Variants in ASTN2 observed in about 807,000 individuals in gnomAD.
ASTN2 encodes the protein astrotactin-2.
A neutral mutation model predicts 139.8 loss-of-function variants in ASTN2; 54 were observed. The ratio of observed to expected loss-of-function variants is 0.39; its 90% CI spans 0.31 to 0.48. The LOEUF (loss-of-function observed/expected upper bound fraction) is 0.48. ASTN2 is among the 20% of genes least tolerant of loss of function. The pLI is 0.95. For synonymous variants in ASTN2, 756 were observed against 719.5 expected, an observed-to-expected ratio of 1.05 and a Z score of -0.81; for missense variants, 1,565 against 1,725.1, an observed-to-expected ratio of 0.91 and a Z score of 1.64.
At chr9:117,312,828 G>C (rs1828019135) in intron 1 of ASTN2, among the ~76,000 whole-genome samples, 1 of 151,966 alleles carries the variant, frequency 6.6e-6, no homozygotes, top group South Asian at 2.1e-4. Context: ...GCTCCATAAG[G>C]CCTTTCCATT....
intron 3 of ASTN2, among the ~76,000 whole-genome samples, chr9:117,178,934 C>T (rs1280937512): frequency 6.6e-6 from 1 of 152,236 alleles, no homozygotes; most frequent in East Asian, 1.9e-4. Flanking sequence ...ACTGAGCTCC[C>T]TCCAGCCCTC....
At chr9:117,407,668 G>A (rs1411928041) in intron 1 of ASTN2, among the ~76,000 whole-genome samples, 1 of 152,130 alleles carries the variant, frequency 6.6e-6, no homozygotes, top group African/African-American at 2.4e-5. Flanking sequence ...TTCTTTTGGG[G>A]GGCTATTGTC....
At chr9:116,526,006 C>T (rs2119260509) in intron 19 of ASTN2, among the ~76,000 whole-genome samples, 1 of 152,254 alleles carries the variant, frequency 6.6e-6, no homozygotes, top group East Asian at 1.9e-4. Context: ...GTCCCCATTA[C>T]AGTCCTTCTT....
At chr9:116,495,276 C>T (rs1314307002) in intron 19 of ASTN2, among the ~76,000 whole-genome samples, 1 of 152,150 alleles carries the variant, frequency 6.6e-6, no homozygotes, top group African/African-American at 2.4e-5. Context: ...CTCTTTCTAC[C>T]AACAGCACCT....
chr9:116,472,515 C>A (rs886772651), intron 20 of ASTN2, among the ~76,000 whole-genome samples: 5 of 152,126 alleles, frequency 3.3e-5, no homozygotes, highest in African/African-American at 1.2e-4. Flanking sequence ...TCAGTCTCAG[C>A]CATAAGACTT....
intron 10 of ASTN2, among the ~76,000 whole-genome samples, chr9:116,955,810 T>C (rs943977763): frequency 1.3e-5 from 2 of 152,124 alleles, no homozygotes; most frequent in African/African-American, 2.4e-5. Context: ...TTGTCATTTA[T>C]TTTTTTTCAG....
intron 1 of ASTN2, among the ~76,000 whole-genome samples, chr9:117,374,567 CA>C (rs2130918191): frequency 6.6e-6 from 1 of 152,054 alleles, no homozygotes; most frequent in Non-Finnish European, 1.5e-5. Context: ...AAAATTAACT[CA>C]AAGGCAGTAA....
intron 19 of ASTN2, among the ~76,000 whole-genome samples, chr9:116,600,271 G>A (rs2131754537): frequency 6.8e-6 from 1 of 147,672 alleles, no homozygotes; most frequent in South Asian, 2.1e-4. Context: ...CTACAGCGAG[G>A]TGTGATTGGG....
At chr9:116,444,972 G>A (rs1386686976) in intron 20 of ASTN2, among the ~76,000 whole-genome samples, 2 of 152,182 alleles carry the variant, frequency 1.3e-5, no homozygotes, top group Non-Finnish European at 2.9e-5. Context: ...TGGGAAGTGA[G>A]AACAGCATCA....
intron 2 of ASTN2, among the ~76,000 whole-genome samples, chr9:117,247,698 A>G (rs1307782455): frequency 6.6e-6 from 1 of 152,234 alleles, no homozygotes; most frequent in Non-Finnish European, 1.5e-5. Context: ...CCACACCTCT[A>G]AGAGGTTCAT....
rs139297526 is a variant in ASTN2 at position 116,993,458 on chromosome 9, T to TCACACACACA, written c.1591+14624_1591+14633dup. On this transcript the variant is annotated intron_variant, in intron 7 of 22. Coordinates refer to ENST00000313400, the MANE Select transcript of ASTN2 (RefSeq NM_001365068.1). ...GTACAGCCCCCTCTTTCTACAGGCT[T>TCACACACACA]CACACACACACACACACACACCCCT... Among the ~76,000 whole-genome samples the TCACACACACA allele has an allele frequency of 2.4e-3, 363 of 148,296 alleles. 3 individuals are homozygous for TCACACACACA. Among genetic ancestry groups the TCACACACACA allele is most frequent in the African/African-American group, 8.0e-3 (326 of 40,606 alleles).
At chr9:117,068,234 T>C (rs1587927136) in intron 5 of ASTN2, among the ~76,000 whole-genome samples, 1 of 86,212 alleles carries the variant, frequency 1.2e-5, no homozygotes, top group African/African-American at 4.6e-5. Flanking sequence ...TTGAATTTTG[T>C]CAAAGGCTTT....
intron 22 of ASTN2, among the ~76,000 whole-genome samples, chr9:116,428,294 G>A (rs1311405953): frequency 6.6e-6 from 1 of 152,190 alleles, no homozygotes; most frequent in East Asian, 1.9e-4. Flanking sequence ...AGGAGGCCAA[G>A]GCGGGTGGAT....
intron 17 of ASTN2, among the ~76,000 whole-genome samples, chr9:116,626,025 G>A (rs1258768107): frequency 6.6e-6 from 1 of 151,964 alleles, no homozygotes; most frequent in Non-Finnish European, 1.5e-5. Context: ...TGTTGCCCAG[G>A]CTAGAGTGCG....
chr9:116,634,645 A>G (rs1856985217), intron 17 of ASTN2, among the ~76,000 whole-genome samples: 1 of 151,218 alleles, frequency 6.6e-6, no homozygotes, highest in Admixed American at 6.6e-5. Context: ...AACAGCTGTT[A>G]GACATGCTTA....
intron 20 of ASTN2, among the ~76,000 whole-genome samples, chr9:116,478,081 G>A (rs1303220220): frequency 1.4e-5 from 2 of 146,000 alleles, no homozygotes; most frequent in African/African-American, 2.5e-5. Context: ...TATGGGAGAG[G>A]AAGCAGGGAA....
intron 19 of ASTN2, among the ~76,000 whole-genome samples, chr9:116,561,239 G>C (rs940349201): frequency 3.9e-5 from 6 of 152,080 alleles, no homozygotes; most frequent in African/African-American, 1.4e-4. Flanking sequence ...TCTTATGTCT[G>C]TCTCCCCTGC....
intron 1 of ASTN2, among the ~76,000 whole-genome samples, chr9:117,312,221 C>T (rs551317675): frequency 2.0e-5 from 3 of 152,278 alleles, no homozygotes; most frequent in South Asian, 2.1e-4. Context: ...TGGGAAAATG[C>T]ACCTATGCTG....
chr9:117,296,765 T>G (rs145708218), intron 1 of ASTN2, among the ~76,000 whole-genome samples: 1 of 152,346 alleles, frequency 6.6e-6, no homozygotes, highest in East Asian at 1.9e-4. Flanking sequence ...CCACCCTGGA[T>G]AGCTTGGTTT....
Sources: allele counts gnomAD v4.1 joint callset (sites outside exome capture counted in the v4.1 genomes callset), GRCh38; gene constraint gnomAD v4.1.1; transcripts MANE v1.5; gene names NCBI Gene and HGNC (gene_info 2026-07-23, HGNC 2026-07-21).